Variants in ERAP1 observed in about 807,000 individuals in gnomAD.
The protein encoded by ERAP1 is endoplasmic reticulum aminopeptidase 1.
ERAP1 carries 86 observed loss-of-function variants against 103.7 expected under a neutral mutation model. The observed-to-expected ratio is 0.83, with a 90% CI of 0.70 to 0.99. The LOEUF is 0.99. Among genes scored for constraint, ERAP1 ranks in the 50% least tolerant of loss-of-function variants. The pLI, the probability that ERAP1 is intolerant of heterozygous loss-of-function variation, is 0.00. For synonymous variants in ERAP1, 398 were observed against 402.4 expected, an observed-to-expected ratio of 0.99 and a Z score of 0.13; for missense variants, 1,009 against 1,128.4, an observed-to-expected ratio of 0.89 and a Z score of 1.52.
At chr5:96,760,973 A>G (rs1767750639) in exon 20 of ERAP1, 1 of 152,114 alleles carries the variant, frequency 6.6e-6, no homozygotes, top group Non-Finnish European at 1.5e-5. Context: ...AAACACTAGC[A>G]TATGTTATAC....
chr5:96,776,052 G>GAAAC lies in ERAP1; in HGVS notation c.*340_*343dup. 5 of 1,203,480 alleles carry GAAAC rather than the reference G, an allele frequency of 4.2e-6. No individual in the cohort carries two copies. Among genetic ancestry groups the GAAAC allele is most frequent in the Non-Finnish European group, 5.3e-6 (5 of 949,166 alleles). 74.6% of individuals were successfully genotyped at this position (1,203,480 alleles called of 1,614,324 possible). Reference sequence around the variant, plus strand: ...TTCAGAGTCTTTCGAGGAGACTGATGAAACAGTTTATGAATGATAAACATG... The same window carrying GAAAC: ...TTCAGAGTCTTTCGAGGAGACTGATGAAACAAACAGTTTATGAATGATAAACATG... On this transcript the variant is annotated 3_prime_UTR_variant, in exon 19 of 19. Coordinates refer to ENST00000443439, the MANE Select transcript of ERAP1 (RefSeq NM_001040458.3).
chr5:96,905,585 A>G, the ERAP1 span, among the ~76,000 whole-genome samples: 2 of 152,164 alleles, frequency 1.3e-5, no homozygotes, highest in East Asian at 1.9e-4. Flanking sequence ...TGAAACTTCA[A>G]TTTAAGAATT....
Position 96,807,523 on chromosome 5 carries a change from G to T in ERAP1, c.-18+337C>A, listed in dbSNP as rs1303452985. ...GAGGCTCCCGCCGGCCGAACAGCGG[G>T]GAGACCCGTGAAGCAGGCGCACCGG... On this transcript the variant is annotated intron_variant, in intron 1 of 18. Coordinates refer to ENST00000443439, the MANE Select transcript of ERAP1 (RefSeq NM_001040458.3). Among the ~76,000 whole-genome samples, 10 of 152,064 alleles carry T rather than the reference G, an allele frequency of 6.6e-5. No individual in the cohort carries two copies. The East Asian group carries it at 1.7e-3, about 27-fold the overall frequency.
chr5:96,883,967 C>A, the ERAP1 span: 1 of 1,537,550 alleles, frequency 6.5e-7, no homozygotes, highest in South Asian at 1.2e-5. Context: ...AAATTGTTCT[C>A]AAGTTGAGAC....
chr5:96,770,729 C>T, downstream of ERAP1: 1 of 620,916 alleles, frequency 1.6e-6, no homozygotes, highest in African/African-American at 1.8e-5. Context: ...ACTATCTATC[C>T]CATAGCATCG....
chr5:96,865,469 C>G, the ERAP1 span, among the ~76,000 whole-genome samples: 2 of 152,096 alleles, frequency 1.3e-5, no homozygotes, highest in Non-Finnish European at 2.9e-5. Flanking sequence ...TTAACATTAG[C>G]AAGCTACAGA....
the ERAP1 span, among the ~76,000 whole-genome samples, chr5:96,859,790 A>C: frequency 1.3e-5 from 2 of 152,174 alleles, no homozygotes; most frequent in African/African-American, 4.8e-5. Flanking sequence ...GGCATTATTA[A>C]TTTTGGCTGG....
At chr5:96,879,860 G>A in the ERAP1 span, 2 of 1,614,120 alleles carry the variant, frequency 1.2e-6, no homozygotes, top group Non-Finnish European at 1.7e-6. Flanking sequence ...AGCCACTAAT[G>A]GGGAACGATT....
the ERAP1 span, chr5:96,880,120 T>G: frequency 6.2e-7 from 1 of 1,614,168 alleles, no homozygotes; most frequent in Non-Finnish European, 8.5e-7. Context: ...ACCCTGCTCA[T>G]GAACAAATTG....
the ERAP1 span, among the ~76,000 whole-genome samples, chr5:96,859,532 G>C: frequency 2.0e-5 from 3 of 152,032 alleles, no homozygotes; most frequent in South Asian, 6.2e-4. Flanking sequence ...GGCAATCTGA[G>C]CCTCAATGTC....
chr5:96,847,513 A>G, the ERAP1 span, among the ~76,000 whole-genome samples: 1 of 152,202 alleles, frequency 6.6e-6, no homozygotes, highest in African/African-American at 2.4e-5. Context: ...TCCAACAGCA[A>G]CAGAATACAC....
chr5:96,878,401 G>GTAA, the ERAP1 span, among the ~76,000 whole-genome samples: 2 of 20,022 alleles, frequency 1.0e-4, no homozygotes, highest in South Asian at 4.5e-3. Context: ...AATGCCATTC[G>GTAA]TAGTAATAAT....
chr5:96,823,188 T>G, the ERAP1 span: 3 of 453,590 alleles, frequency 6.6e-6, 1 homozygote, highest in South Asian at 4.7e-5. Context: ...TGAAATACAG[T>G]CATATAATCA....
chr5:96,865,902 G>A, the ERAP1 span, among the ~76,000 whole-genome samples: 1 of 152,124 alleles, frequency 6.6e-6, no homozygotes, highest in African/African-American at 2.4e-5. Flanking sequence ...GCCTTGTCAA[G>A]AACTTTTCTT....
the ERAP1 span, chr5:96,848,925 C>A: frequency 1.3e-5 from 2 of 151,844 alleles, no homozygotes; most frequent in African/African-American, 4.8e-5. Context: ...TAAAAGTATT[C>A]ACCATAATCA....
At chr5:96,912,112 C>A in the ERAP1 span, among the ~76,000 whole-genome samples, 3 of 149,318 alleles carry the variant, frequency 2.0e-5, no homozygotes, top group East Asian at 5.9e-4. Flanking sequence ...ATGGTGTGAA[C>A]CCCGGGGGGC....
the ERAP1 span, among the ~76,000 whole-genome samples, chr5:96,842,641 T>C: frequency 3.9e-5 from 6 of 152,232 alleles, no homozygotes; most frequent in East Asian, 1.9e-4. Context: ...GGATTATTTA[T>C]ATTTTCTTGC....
chr5:96,772,539 CTGTT>C (rs1162878618), downstream of ERAP1: 1 of 152,678 alleles, frequency 6.5e-6, no homozygotes, highest in Non-Finnish European at 1.5e-5. Flanking sequence ...TTCCTTCTGT[CTGTT>C]ATACAATGCT....
At chr5:96,791,131 G>A (rs1776688764) in intron 8 of ERAP1, among the ~76,000 whole-genome samples, 1 of 152,138 alleles carries the variant, frequency 6.6e-6, no homozygotes, top group South Asian at 2.1e-4. Context: ...TGAGCATGGA[G>A]GGCTGATGGA....
Sources: gnomAD v4.1 joint callset for allele counts (sites outside exome capture counted in the v4.1 genomes callset) on GRCh38, gnomAD v4.1.1 for gene constraint, MANE v1.5 for transcripts, NCBI Gene and HGNC (gene_info 2026-07-23, HGNC 2026-07-21) for gene names.